The following FBXL13 variants were observed in gnomAD, a reference collection of about 807,000 sequenced individuals.
FBXL13 encodes F-box and leucine rich repeat protein 13, also known as F-box and leucine-rich repeat protein 13.
FBXL13 carries 67 observed loss-of-function variants against 83.6 expected under a neutral mutation model. That is an observed-to-expected ratio of 0.80 (90% CI 0.66 to 0.98). The LOEUF is 0.98. FBXL13 is among the 50% of genes least tolerant of loss of function. The probability of loss-of-function intolerance (pLI) is 0.00; values close to 1 mark genes in which losing one functional copy is unlikely to be tolerated. For missense variants in FBXL13, 822 were observed against 866.5 expected (o/e 0.95, Z 0.64); for synonymous variants, 272 against 299.5 (o/e 0.91, Z 0.95).
Position 102,881,436 on chromosome 7 carries a change from C to CAA in FBXL13, c.1388+1867_1388+1868dup, listed in dbSNP as rs34979881. On this transcript the variant is annotated intron_variant, in intron 14 of 19. Coordinates refer to ENST00000313221, the Ensembl canonical transcript of FBXL13. ...TGGGTGACAGAGTGAGACTCCATCT[C>CAA]AAAAAAAAAAAAAAAAAAAAAGAAT... Among the ~76,000 whole-genome samples, 309 of 61,092 alleles carry CAA rather than the reference C, an allele frequency of 5.1e-3. 6 individuals carry two copies. Among genetic ancestry groups the CAA allele is most frequent in the African/African-American group, 0.016 (267 of 16,898 alleles). 40.1% of individuals were successfully genotyped at this position (61,092 alleles called of 152,430 possible). A position where few individuals can be genotyped will look rare whatever the true frequency, so the allele number is the denominator to read the frequency against.
chr7:102,941,500 G>C (rs1035278460), intron 8 of FBXL13, among the ~76,000 whole-genome samples: 3 of 152,026 alleles, frequency 2.0e-5, no homozygotes, highest in Non-Finnish European at 4.4e-5. Flanking sequence ...TAAAACTCTG[G>C]TCTCCCGCAC....
chr7:103,063,129 C>T (rs1420066333), intron 1 of FBXL13, among the ~76,000 whole-genome samples: 1 of 152,158 alleles, frequency 6.6e-6, no homozygotes, highest in Non-Finnish European at 1.5e-5. Context: ...ATTACATGGG[C>T]AAGAATAGTA....
Position 103,010,203 on chromosome 7 carries a change from G to A in FBXL13, c.495+14860C>T, listed in dbSNP as rs1233016820. ...AGAGTGTGCAACCCCACCCACCCCC[G>A]CCACTGGTAAACAGGCAGACAATGC... is the stretch of plus-strand genomic sequence containing the variant. On this transcript the variant is annotated intron_variant, in intron 6 of 19. Transcript: ENST00000313221. 4.1e-5 allele frequency among the ~76,000 whole-genome samples: 6 copies of A among 146,424 alleles called. No homozygotes were observed. In the East Asian group the frequency reaches 8.5e-4, roughly 21 times the overall value.
At chr7:103,026,550 G>A (rs1039684163) in intron 5 of FBXL13, among the ~76,000 whole-genome samples, 3 of 152,164 alleles carry the variant, frequency 2.0e-5, no homozygotes, top group Non-Finnish European at 4.4e-5. Flanking sequence ...AAGCCTAGAG[G>A]ACAGCCTGCA....
chr7:103,046,094 C>T lies in FBXL13; in HGVS notation c.-1+9550G>A, dbSNP rs563852094. 7.2e-5 allele frequency among the ~76,000 whole-genome samples: 11 copies of T among 152,088 alleles called. 1 individual carries two copies. Among genetic ancestry groups the T allele is most frequent in the African/African-American group, 2.4e-4 (10 of 41,404 alleles). On this transcript the variant is annotated intron_variant, in intron 2 of 19. Coordinates refer to ENST00000313221, the Ensembl canonical transcript of FBXL13. ...CTCCTTACCCAGGGTACCCATAAAC[C>T]GAACCACCTAAAATTAAATAGATTA...
rs1369403227 is a variant in FBXL13 at position 102,966,378 on chromosome 7, C to T, written c.591+1644G>A. Among the ~76,000 whole-genome samples the T allele has an allele frequency of 2.0e-5, 3 of 152,140 alleles. No individual in the cohort carries two copies. The South Asian group carries it at 6.2e-4, about 32-fold the overall frequency. Reference sequence around the variant, plus strand: ...TGATACTACTGGTTCCAGGACCACACTTTGAGAACCACTGGCTTAAAGTAA... The same window carrying T: ...TGATACTACTGGTTCCAGGACCACATTTTGAGAACCACTGGCTTAAAGTAA... On this transcript the variant is annotated intron_variant, in intron 7 of 19. Transcript: ENST00000313221.
At chr7:102,913,972 A>G (rs1815292475) in intron 10 of FBXL13, among the ~76,000 whole-genome samples, 1 of 152,248 alleles carries the variant, frequency 6.6e-6, no homozygotes, top group Admixed American at 6.5e-5. Context: ...GCTTCCAGAA[A>G]AAAGTAGGGT....
chr7:102,889,365 T>C (rs1174868063), intron 11 of FBXL13, among the ~76,000 whole-genome samples: 1 of 152,226 alleles, frequency 6.6e-6, no homozygotes, highest in Non-Finnish European at 1.5e-5. Context: ...CTTCCTATTA[T>C]GACACACAAC....
At chr7:102,997,529 C>T (rs2129485237) in intron 6 of FBXL13, among the ~76,000 whole-genome samples, 1 of 152,230 alleles carries the variant, frequency 6.6e-6, no homozygotes, top group East Asian at 1.9e-4. Flanking sequence ...TTCTATCTAA[C>T]TGTATTTTTG....
intron 6 of FBXL13, among the ~76,000 whole-genome samples, chr7:102,974,317 G>A (rs529861845): frequency 3.3e-5 from 5 of 152,224 alleles, no homozygotes; most frequent in South Asian, 4.1e-4. Context: ...GTGAACCCGG[G>A]AGGCAGAGCT....
rs1166559998 is a variant in FBXL13, at chr7:103,021,224, A to C, written c.495+3839T>G. ...CTTTGACAAACCTGACAAAAACAAG[A>C]AATGGGGAAAGGATTCCCTATTTAA... On this transcript the variant is annotated intron_variant, in intron 6 of 19. Transcript: ENST00000313221. Among the ~76,000 whole-genome samples the C allele has an allele frequency of 7.2e-5, 11 of 152,304 alleles. No homozygotes were observed. In the East Asian group the frequency reaches 1.2e-3, roughly 16 times the overall value.
chr7:102,897,434 A>T (rs1208074445), intron 11 of FBXL13, among the ~76,000 whole-genome samples: 3 of 152,164 alleles, frequency 2.0e-5, no homozygotes, highest in Non-Finnish European at 4.4e-5. Flanking sequence ...ATGCATAGAG[A>T]TTTAAGGAAA....
chr7:102,853,789 A>G lies in FBXL13; in HGVS notation c.1719+988T>C, dbSNP rs533306689. Among the ~76,000 whole-genome samples, 586 of 152,358 alleles carry G rather than the reference A, an allele frequency of 3.8e-3. 3 individuals are homozygous for G. The highest frequency in any genetic ancestry group is 0.014 in the African/African-American group (566 of 41,588). On this transcript the variant is annotated intron_variant, in intron 17 of 19. Transcript: ENST00000313221. The stretch of plus-strand genomic sequence containing the variant: ...GAAAAAATGCTCATCATCACTGGCC[A>G]TCAGAGAAATGCAAATCAAAACCAC...
chr7:102,903,924 GTTTTC>G (rs768715979), intron 11 of FBXL13, among the ~76,000 whole-genome samples: 2 of 78,128 alleles, frequency 2.6e-5, no homozygotes, highest in Non-Finnish European at 4.5e-5. Context: ...TTGGCCTGTA[GTTTTC>G]TTTTCTTTTC....
intron 19 of FBXL13, among the ~76,000 whole-genome samples, chr7:102,816,823 T>C (rs1798074425): frequency 6.6e-6 from 1 of 152,244 alleles, no homozygotes; most frequent in Admixed American, 6.5e-5. Context: ...TATGTCCAAG[T>C]GGTTAGCTCC....
At chr7:102,857,165 T>C (rs1268118608) in intron 16 of FBXL13, among the ~76,000 whole-genome samples, 2 of 151,920 alleles carry the variant, frequency 1.3e-5, no homozygotes, top group African/African-American at 4.9e-5. Flanking sequence ...TTCAGGGCAT[T>C]GATCTTGGCA....
At chr7:103,060,491 G>A (rs1208232791) in intron 1 of FBXL13, among the ~76,000 whole-genome samples, 1 of 152,114 alleles carries the variant, frequency 6.6e-6, no homozygotes, top group East Asian at 1.9e-4. Context: ...GAAAGACAGA[G>A]ACTGACTCTG....
At chr7:102,935,499 G>A (rs55928088) in intron 8 of FBXL13, among the ~76,000 whole-genome samples, 1 of 151,960 alleles carries the variant, frequency 6.6e-6, no homozygotes, top group Non-Finnish European at 1.5e-5. Flanking sequence ...AGAACTATGA[G>A]ACTAAGGAAA....
At chr7:102,919,111 A>G (rs1816489066) in intron 10 of FBXL13, among the ~76,000 whole-genome samples, 1 of 152,198 alleles carries the variant, frequency 6.6e-6, no homozygotes, top group Non-Finnish European at 1.5e-5. Context: ...TCCCAACTCC[A>G]CATTCAATGA....
Sources: gnomAD v4.1 joint callset for allele counts (sites outside exome capture counted in the v4.1 genomes callset) on GRCh38, gnomAD v4.1.1 for gene constraint, MANE v1.5 for transcripts, NCBI Gene and HGNC (gene_info 2026-07-23, HGNC 2026-07-21) for gene names.